The following ST8SIA6 variants were observed in gnomAD, a reference collection of about 807,000 sequenced individuals.
ST8SIA6 encodes the protein alpha-2,8-sialyltransferase 8F.
Under a neutral mutation model 33.6 loss-of-function variants are expected in ST8SIA6, and 39 were observed. That is an observed-to-expected ratio of 1.16 (90% confidence interval 0.90 to 1.52). The LOEUF (loss-of-function observed/expected upper bound fraction) is 1.52. ST8SIA6 is among the 40% of genes most tolerant of loss of function. ST8SIA6 has a pLI of 0.00. For synonymous variants in ST8SIA6, 172 were observed against 167.2 expected (o/e 1.03, Z -0.22); for missense variants, 441 against 443.8 (o/e 0.99, Z 0.06).
chr10:17,366,383 A>T (rs1406670158), intron 3 of ST8SIA6, among the ~76,000 whole-genome samples: 1 of 152,174 alleles, frequency 6.6e-6, no homozygotes, highest in African/African-American at 2.4e-5. Flanking sequence ...ACTTCTTCAC[A>T]GCCCCAGTGA....
At chr10:17,374,485 G>A (rs2131635926) in intron 3 of ST8SIA6, among the ~76,000 whole-genome samples, 1 of 151,980 alleles carries the variant, frequency 6.6e-6, no homozygotes, top group South Asian at 2.1e-4. Context: ...CACTTTGGGA[G>A]GCCAAGGCGG....
Position 17,437,366 on chromosome 10 carries a change from C to T in ST8SIA6, c.200+16193G>A, listed in dbSNP as rs531171877. ...AATTTTTAGTTTATAGAGACATGGT[C>T]TCACTATGTTGCTCAGGCTAGTCAT... On this transcript the variant is annotated intron_variant, in intron 2 of 7. Coordinates refer to ENST00000377602, the MANE Select transcript of ST8SIA6 (RefSeq NM_001004470.3). Among the ~76,000 whole-genome samples, 4 of 152,262 alleles carry T rather than the reference C, an allele frequency of 2.6e-5. No homozygotes were observed. In the East Asian group the frequency reaches 5.8e-4, roughly 22 times the overall value.
chr10:17,379,617 T>A (rs1174037046), intron 3 of ST8SIA6, among the ~76,000 whole-genome samples: 1 of 152,208 alleles, frequency 6.6e-6, no homozygotes, highest in African/African-American at 2.4e-5. Context: ...GTCTCTCACC[T>A]ATCTGCGACC....
At chr10:17,420,281 G>A (rs982432799) in intron 2 of ST8SIA6, among the ~76,000 whole-genome samples, 7 of 152,068 alleles carry the variant, frequency 4.6e-5, no homozygotes, top group African/African-American at 1.2e-4. Context: ...GTGTGGTGGC[G>A]GGCGCCTGTA....
intron 3 of ST8SIA6, among the ~76,000 whole-genome samples, chr10:17,381,067 T>A (rs575828998): frequency 6.3e-4 from 96 of 152,156 alleles, no homozygotes; most frequent in Non-Finnish European, 1.2e-3. Flanking sequence ...GTTGAACGAG[T>A]TCTGTCGTCA....
intron 2 of ST8SIA6, among the ~76,000 whole-genome samples, chr10:17,419,954 A>T (rs1851729206): frequency 1.3e-5 from 2 of 152,212 alleles, no homozygotes; most frequent in East Asian, 3.8e-4. Context: ...TTTTGCATTT[A>T]TATCATCAGA....
chr10:17,377,964 C>T (rs1158065091), intron 3 of ST8SIA6, among the ~76,000 whole-genome samples: 1 of 152,198 alleles, frequency 6.6e-6, no homozygotes, highest in East Asian at 1.9e-4. Flanking sequence ...CTCCTGTGTG[C>T]AAAACAACAC....
At chr10:17,331,121 C>G (rs1848285796) in intron 5 of ST8SIA6, among the ~76,000 whole-genome samples, 1 of 152,148 alleles carries the variant, frequency 6.6e-6, no homozygotes, top group African/African-American at 2.4e-5. Flanking sequence ...CTTCACAAGC[C>G]TCAGTAATTA....
intron 3 of ST8SIA6, among the ~76,000 whole-genome samples, chr10:17,376,164 C>T (rs936209943): frequency 2.0e-5 from 3 of 152,122 alleles, no homozygotes; most frequent in Admixed American, 6.6e-5. Flanking sequence ...GTGATGTGCG[C>T]CCCCTGCAGG....
intron 2 of ST8SIA6, among the ~76,000 whole-genome samples, chr10:17,400,755 A>T (rs1851008036): frequency 6.6e-6 from 1 of 152,200 alleles, no homozygotes; most frequent in African/African-American, 2.4e-5. Context: ...TATCTCAATA[A>T]ATTAGGTATA....
chr10:17,397,328 G>A (rs1850848627), intron 2 of ST8SIA6, among the ~76,000 whole-genome samples: 1 of 149,124 alleles, frequency 6.7e-6, no homozygotes, highest in Admixed American at 6.8e-5. Context: ...CCACCTCCTG[G>A]GTTCAAGTGA....
At chr10:17,400,724 C>T (rs895792137) in intron 2 of ST8SIA6, among the ~76,000 whole-genome samples, 2 of 152,180 alleles carry the variant, frequency 1.3e-5, no homozygotes, top group African/African-American at 4.8e-5. Flanking sequence ...TGACAAAATT[C>T]AACAGCCCTT....
intron 2 of ST8SIA6, among the ~76,000 whole-genome samples, chr10:17,401,762 C>T (rs1261390722): frequency 6.6e-6 from 1 of 152,156 alleles, no homozygotes; most frequent in Non-Finnish European, 1.5e-5. Flanking sequence ...CTTCCTTACA[C>T]CTTGTACAAA....
chr10:17,434,121 T>C (rs1425855200), intron 2 of ST8SIA6, among the ~76,000 whole-genome samples: 1 of 152,178 alleles, frequency 6.6e-6, no homozygotes, highest in Non-Finnish European at 1.5e-5. Flanking sequence ...GGACAGCATT[T>C]ATGCAGAATG....
At chr10:17,370,501 G>A (rs187545997) in intron 3 of ST8SIA6, among the ~76,000 whole-genome samples, 3 of 152,050 alleles carry the variant, frequency 2.0e-5, no homozygotes, top group African/African-American at 7.2e-5. Context: ...TATTTTCAAT[G>A]TGGTTGCTCT....
At chr10:17,338,675 G>A (rs946991596) in intron 4 of ST8SIA6, among the ~76,000 whole-genome samples, 6 of 152,276 alleles carry the variant, frequency 3.9e-5, no homozygotes, top group East Asian at 3.9e-4. Context: ...CTCCTTTTAC[G>A]TGGAAGATGT....
At chr10:17,432,739 C>T (rs1478167676) in intron 2 of ST8SIA6, among the ~76,000 whole-genome samples, 1 of 152,134 alleles carries the variant, frequency 6.6e-6, no homozygotes. Context: ...TCCTTGTGGA[C>T]GAACTGTAAC....
chr10:17,366,978 C>A (rs985178377), intron 3 of ST8SIA6, among the ~76,000 whole-genome samples: 3 of 152,170 alleles, frequency 2.0e-5, no homozygotes, highest in Admixed American at 2.0e-4. Flanking sequence ...TCTGAATGAT[C>A]AGCCAAGAAT....
At chr10:17,422,634 C>A (rs1364342355) in intron 2 of ST8SIA6, among the ~76,000 whole-genome samples, 1 of 152,164 alleles carries the variant, frequency 6.6e-6, no homozygotes, top group Non-Finnish European at 1.5e-5. Flanking sequence ...TCAGGTAATA[C>A]ACATTCTAAA....
Sources: allele counts gnomAD v4.1 joint callset (sites outside exome capture counted in the v4.1 genomes callset), GRCh38; gene constraint gnomAD v4.1.1; transcripts MANE v1.5; gene names NCBI Gene and HGNC (gene_info 2026-07-23, HGNC 2026-07-21).